DNAJC13: variants seen among roughly 807,000 people sequenced by gnomAD.
DNAJC13 encodes the protein dnaJ homolog subfamily C member 13.
DNAJC13 carries 75 observed loss-of-function variants against 290.5 expected under a neutral mutation model. The observed-to-expected ratio is 0.26, with a 90% CI of 0.21 to 0.31. DNAJC13 has a LOEUF of 0.31. Among genes scored for constraint, DNAJC13 ranks in the 10% least tolerant of loss-of-function variants. The pLI is 1.00. For missense variants in DNAJC13, 2,260 were observed against 2,674.5 expected (o/e 0.85, Z 3.42); for synonymous variants, 862 against 892.0 (o/e 0.97, Z 0.60).
intron 2 of DNAJC13, among the ~76,000 whole-genome samples, chr3:132,443,605 T>C (rs1288369340): frequency 6.6e-6 from 1 of 152,174 alleles, no homozygotes; most frequent in Non-Finnish European, 1.5e-5. Flanking sequence ...TTTTTGGTAA[T>C]CTTTGGAAGT....
At chr3:132,531,751 T>G (rs1936422245) in intron 55 of DNAJC13, among the ~76,000 whole-genome samples, 1 of 151,478 alleles carries the variant, frequency 6.6e-6, no homozygotes, top group Non-Finnish European at 1.5e-5. Context: ...GAGCCAAGAT[T>G]GCGCCACTGC....
Position 132,495,136 on chromosome 3 carries a change from G to T in DNAJC13, c.3990G>T (p.Lys1330Asn). Residue 1330 changes from lysine to asparagine, a missense_variant, in exon 35 of 56, where the codon AAG becomes AAT. Lys to Asn is a moderately conservative substitution (Grantham distance 94, BLOSUM62 0). This residue lies in a region of DNAJC13 where 1,494 missense variants were observed against 1,693.7 expected (regional missense o/e 0.88). Transcript: ENST00000260818. The part of the protein sequence containing the change: ...IRKAYFRLAQ[K>N]YHPDKNPEGR... ...AAGCTTACTTCAGACTTGCACAAAA[G>T]TACCACCCTGATAAGAATCCAGAAG... The T allele has an allele frequency of 6.2e-7, 1 of 1,613,468 alleles. No homozygotes were observed. Among genetic ancestry groups the T allele is most frequent in the Non-Finnish European group, 8.5e-7 (1 of 1,179,564 alleles).
rs112949452 is a variant in DNAJC13 at position 132,486,946 on chromosome 3, C to T, written c.3268-1352C>T. Among the ~76,000 whole-genome samples, 917 of 152,060 alleles carry T rather than the reference C, an allele frequency of 6.0e-3. 10 individuals are homozygous for T. Among genetic ancestry groups the T allele is most frequent in the East Asian group, 0.03 (153 of 5,182 alleles). On this transcript the variant is annotated intron_variant, in intron 29 of 55. Transcript: ENST00000260818. ...TCTAGTATAGTGACAAATTGAAATA[C>T]GGTGGGTAGTTGGGTGTGTGTGCGT... is the stretch of plus-strand genomic sequence containing the variant.
At chr3:132,482,548 A>G (rs563462148) in intron 27 of DNAJC13, among the ~76,000 whole-genome samples, 6 of 152,216 alleles carry the variant, frequency 3.9e-5, no homozygotes, top group Non-Finnish European at 8.8e-5. Flanking sequence ...TGTTATGGAG[A>G]TAGCACTCAG....
chr3:132,437,630 T>C (rs537700719), intron 2 of DNAJC13, among the ~76,000 whole-genome samples: 2 of 152,372 alleles, frequency 1.3e-5, no homozygotes, highest in East Asian at 1.9e-4. Context: ...CATGACTGTT[T>C]AGTTTTTTCC....
chr3:132,531,479 C>T (rs1432772501), intron 55 of DNAJC13, among the ~76,000 whole-genome samples: 1 of 152,290 alleles, frequency 6.6e-6, no homozygotes, highest in East Asian at 1.9e-4. Flanking sequence ...CAGATTAAAA[C>T]TCCAAATATG....
At chr3:132,511,884 T>C (rs550115782) in intron 44 of DNAJC13, among the ~76,000 whole-genome samples, 1 of 152,264 alleles carries the variant, frequency 6.6e-6, no homozygotes, top group African/African-American at 2.4e-5. Flanking sequence ...TAAAATAACA[T>C]TGAACATTAC....
Position 132,453,510 on chromosome 3 carries a change from A to G in DNAJC13, c.744+6A>G. Reference sequence around the variant, plus strand: ...AAATATCACCTAGACATTCGGTAAGACCCATATGTTAAAAATGAAAATTTG... The same window carrying G: ...AAATATCACCTAGACATTCGGTAAGGCCCATATGTTAAAAATGAAAATTTG... On this transcript the variant is annotated splice_donor_region_variant and intron_variant, in intron 7 of 55. Coordinates refer to ENST00000260818, the MANE Select transcript of DNAJC13 (RefSeq NM_015268.4). 6.2e-7 allele frequency: 1 copy of G among 1,611,784 alleles called. No individual in the cohort carries two copies. Among genetic ancestry groups the G allele is most frequent in the South Asian group, 1.1e-5 (1 of 90,480 alleles).
intron 1 of DNAJC13, among the ~76,000 whole-genome samples, chr3:132,421,690 C>G (rs1415078160): frequency 2.6e-5 from 4 of 151,512 alleles, no homozygotes; most frequent in African/African-American, 9.7e-5. Flanking sequence ...TCCACCCACC[C>G]AGGCCTCCCA....
rs114854342 is a variant in DNAJC13, at chr3:132,535,647, A to G, written c.6626-2529A>G. Among the ~76,000 whole-genome samples the G allele has an allele frequency of 4.4e-3, 673 of 152,258 alleles. 7 individuals are homozygous for G. Among genetic ancestry groups the G allele is most frequent in the African/African-American group, 0.014 (601 of 41,542 alleles). ...ATGCTTCTAGGAGCCAGAATTGGAG[A>G]TGAACTTTTCACATATACATTTCAT... On this transcript the variant is annotated intron_variant, in intron 55 of 55. Coordinates refer to ENST00000260818, the MANE Select transcript of DNAJC13 (RefSeq NM_015268.4).
At chr3:132,468,611 CG>C (rs1351834756) in intron 20 of DNAJC13, among the ~76,000 whole-genome samples, 2 of 152,162 alleles carry the variant, frequency 1.3e-5, no homozygotes, top group Non-Finnish European at 2.9e-5. Flanking sequence ...ATCCAAGTTA[CG>C]GTTTTTAGAA....
intron 2 of DNAJC13, among the ~76,000 whole-genome samples, chr3:132,441,141 A>G (rs1933052358): frequency 2.0e-5 from 3 of 152,188 alleles, no homozygotes; most frequent in Admixed American, 2.0e-4. Flanking sequence ...GGCCAAGGGA[A>G]CTAGGATATT....
intron 1 of DNAJC13, among the ~76,000 whole-genome samples, chr3:132,433,614 C>T (rs1487526816): frequency 3.9e-5 from 6 of 152,046 alleles, no homozygotes; most frequent in Non-Finnish European, 8.8e-5. Context: ...TAGTAGGTCC[C>T]CTTTGAAGTG....
Position 132,460,254 on chromosome 3 carries a change from T to C in DNAJC13, c.1454T>C (p.Met485Thr), listed in dbSNP as rs1336175321. The C allele has an allele frequency of 6.3e-7, 1 of 1,595,620 alleles. No individual in the cohort carries two copies. ...TTTTTTTTTTTTCATCAATAGCCCA[T>C]GCATGATGACTATGACTTAAGACAA... The part of the protein sequence containing the change: ...VDMLCALMCP[M>T]HDDYDLRQEQ... Residue 485 changes from methionine (M) to threonine (T), a missense_variant, in exon 14 of 56, where the codon ATG (methionine) becomes ACG (threonine). Met to Thr is a moderately conservative substitution (Grantham distance 81). Transcript: ENST00000260818.
At chr3:132,434,490 T>A in intron 1 of DNAJC13, 48 bp from the exon 2 acceptor site, 1 of 1,227,142 alleles carries the variant, frequency 8.1e-7, no homozygotes, top group South Asian at 1.4e-5. Flanking sequence ...TTGGAAAGAT[T>A]AAAGATATAT....
chr3:132,521,598 C>A (rs1559911391), intron 48 of DNAJC13, among the ~76,000 whole-genome samples: 1 of 152,156 alleles, frequency 6.6e-6, no homozygotes, highest in Non-Finnish European at 1.5e-5. Flanking sequence ...TTTCTCTGGT[C>A]TTTGTGAGAA....
At chr3:132,477,960 A>C (rs1353245603) in intron 23 of DNAJC13, 21 bp from the exon 24 acceptor site, 35 of 1,596,380 alleles carry the variant, frequency 2.2e-5, no homozygotes, top group Non-Finnish European at 2.9e-5. Flanking sequence ...TCTATTGTGA[A>C]CTTTTTTTTT....
In DNAJC13 at chr3:132,483,588, A is replaced by G; in HGVS notation, c.3182+11A>G. ...ATATTTTCCAAGCAGGTAAAATGTA[A>G]TTGAATGTTTCCATGGTTAATTGAT... On this transcript the variant is annotated intron_variant, in intron 28 of 55. Transcript: ENST00000260818. 6.2e-7 allele frequency: 1 copy of G among 1,612,178 alleles called. No homozygotes were observed. Among genetic ancestry groups the G allele is most frequent in the Non-Finnish European group, 8.5e-7 (1 of 1,178,300 alleles).
chr3:132,490,559 A>G (rs1327543542), intron 31 of DNAJC13, among the ~76,000 whole-genome samples: 7 of 152,172 alleles, frequency 4.6e-5, no homozygotes. Flanking sequence ...ATTGATGTAA[A>G]TCTTCTTGGG....
Sources: allele counts gnomAD v4.1 joint callset (sites outside exome capture counted in the v4.1 genomes callset), GRCh38; gene constraint gnomAD v4.1.1; regional missense constraint gnomAD v4.1.1; transcripts MANE v1.5; gene names NCBI Gene and HGNC (gene_info 2026-07-23, HGNC 2026-07-21).